GRIK4: variants seen among roughly 807,000 people sequenced by gnomAD.
GRIK4 encodes the protein glutamate ionotropic receptor kainate type subunit 4.
GRIK4 carries 40 observed loss-of-function variants against 104.9 expected under a neutral mutation model. That is an observed-to-expected ratio of 0.38 (90% CI 0.30 to 0.50). The LOEUF is 0.50. Among genes scored for constraint, GRIK4 ranks in the 20% least tolerant of loss-of-function variants. The pLI is 0.93. For synonymous variants in GRIK4, 485 were observed against 524.9 expected (o/e 0.92, Z 1.04); for missense variants, 1,047 against 1,308.1 (o/e 0.80, Z 3.08).
intron 1 of GRIK4, among the ~76,000 whole-genome samples, chr11:120,635,457 C>T (rs540091587): frequency 6.6e-6 from 1 of 152,332 alleles, no homozygotes; most frequent in East Asian, 1.9e-4. Context: ...GCCCCCAGCC[C>T]CACCCCATAG....
intron 3 of GRIK4, among the ~76,000 whole-genome samples, chr11:120,668,101 G>GATGGATA: frequency 6.9e-6 from 1 of 144,212 alleles, no homozygotes; most frequent in East Asian, 2.1e-4. Flanking sequence ...ATAGATAGAT[G>GATGGATA]GATAGATAGA....
intron 2 of GRIK4, among the ~76,000 whole-genome samples, chr11:120,655,903 G>C (rs577858160): frequency 6.6e-6 from 1 of 152,248 alleles, no homozygotes; most frequent in South Asian, 2.1e-4. Context: ...GTGGCATGCT[G>C]TGGGATCCCC....
At chr11:120,599,456 C>T (rs1302411343) in intron 1 of GRIK4, among the ~76,000 whole-genome samples, 2 of 152,182 alleles carry the variant, frequency 1.3e-5, no homozygotes, top group Admixed American at 6.5e-5. Context: ...TCCACCTGGA[C>T]TTAACAGAGT....
At chr11:120,881,919 G>C (rs1954979254) in intron 11 of GRIK4, among the ~76,000 whole-genome samples, 1 of 152,132 alleles carries the variant, frequency 6.6e-6, no homozygotes, top group Non-Finnish European at 1.5e-5. Flanking sequence ...TTGCTCTGGT[G>C]GGAATTTTAG....
intron 3 of GRIK4, among the ~76,000 whole-genome samples, chr11:120,779,734 C>G (rs1952114553): frequency 6.6e-6 from 1 of 152,188 alleles, no homozygotes; most frequent in Non-Finnish European, 1.5e-5. Context: ...AGGAATCTTC[C>G]TCAAATCAAA....
chr11:120,560,892 T>A (rs1565549961), intron 1 of GRIK4, among the ~76,000 whole-genome samples: 1 of 152,232 alleles, frequency 6.6e-6, no homozygotes, highest in Admixed American at 6.5e-5. Context: ...GGGGATTTTC[T>A]GTGGGTCCTT....
chr11:120,666,435 C>T (rs534274570), intron 3 of GRIK4, among the ~76,000 whole-genome samples: 1 of 152,274 alleles, frequency 6.6e-6, no homozygotes, highest in South Asian at 2.1e-4. Context: ...GCCAGTGTGG[C>T]GACGCCTGGG....
chr11:120,601,643 T>G (rs1948888285), intron 1 of GRIK4, among the ~76,000 whole-genome samples: 1 of 125,184 alleles, frequency 8.0e-6, no homozygotes. Flanking sequence ...TTGTTGTGTG[T>G]GTGGTTTTTT....
chr11:120,540,366 A>G (rs1948020746), intron 1 of GRIK4, among the ~76,000 whole-genome samples: 1 of 152,102 alleles, frequency 6.6e-6, no homozygotes, highest in Non-Finnish European at 1.5e-5. Context: ...CATGCCTGTA[A>G]TCCCAGCACT....
chr11:120,951,292 T>C (rs11218077), intron 14 of GRIK4, among the ~76,000 whole-genome samples: 24,988 of 152,210 alleles, frequency 0.16, 2,165 homozygotes, highest in Middle Eastern at 0.3. Flanking sequence ...AACAGGAGCG[T>C]GCAGAACTGT....
rs781102234 is a variant in GRIK4, at chr11:120,986,235, C to G, written c.2846C>G (p.Thr949Ser). Residue 949 changes from threonine (T) to serine (S), a missense_variant, in exon 21 of 21, where the codon ACC (threonine) becomes AGC (serine). Transcript: ENST00000527524. ...GAGGAGAGCCTGGAGTGGGAGAAAA[C>G]CACCAACAGCAGCGAGCCCGAGTAG... ...RSEESLEWEK[T>S]TNSSEPE 1.3e-5 allele frequency: 21 copies of G among 1,571,140 alleles called. No homozygotes were observed. Among genetic ancestry groups the G allele is most frequent in the Non-Finnish European group, 1.8e-5 (21 of 1,168,380 alleles).
At chr11:120,610,728 G>A (rs950328123) in intron 1 of GRIK4, among the ~76,000 whole-genome samples, 2 of 152,332 alleles carry the variant, frequency 1.3e-5, no homozygotes, top group Middle Eastern at 3.4e-3. Flanking sequence ...AGTGAAGGGA[G>A]GATGCAGGAA....
At chr11:120,910,601 T>C (rs1291341895) in intron 13 of GRIK4, among the ~76,000 whole-genome samples, 2 of 152,156 alleles carry the variant, frequency 1.3e-5, no homozygotes, top group Non-Finnish European at 2.9e-5. Flanking sequence ...TGGAGTAGCT[T>C]GAAGAAGCAG....
chr11:120,666,745 T>A (rs577346647), intron 3 of GRIK4, among the ~76,000 whole-genome samples: 1 of 152,232 alleles, frequency 6.6e-6, no homozygotes, highest in Non-Finnish European at 1.5e-5. Context: ...TGGTATCTAT[T>A]CAGTTGGATC....
chr11:120,848,264 G>A (rs1008557277), intron 8 of GRIK4, among the ~76,000 whole-genome samples: 6 of 152,192 alleles, frequency 3.9e-5, no homozygotes, highest in African/African-American at 1.4e-4. Flanking sequence ...GAGACCCCAG[G>A]TGGGCAGGGC....
intron 3 of GRIK4, among the ~76,000 whole-genome samples, chr11:120,746,815 A>G (rs1435722844): frequency 1.3e-5 from 2 of 152,212 alleles, no homozygotes; most frequent in East Asian, 3.8e-4. Context: ...GTCACTCAGT[A>G]GGATTTCAAA....
intron 11 of GRIK4, among the ~76,000 whole-genome samples, chr11:120,893,024 A>G (rs1305184326): frequency 1.3e-5 from 2 of 152,250 alleles, no homozygotes; most frequent in African/African-American, 4.8e-5. Context: ...AACTGCAGGC[A>G]GTGGCCCTCC....
At chr11:120,742,658 C>T (rs149560418) in intron 3 of GRIK4, among the ~76,000 whole-genome samples, 72 of 152,042 alleles carry the variant, frequency 4.7e-4, no homozygotes, top group African/African-American at 1.7e-3. Flanking sequence ...ACTTATATAC[C>T]GTTAGTGGGA....
intron 3 of GRIK4, among the ~76,000 whole-genome samples, chr11:120,781,500 G>A (rs574956006): frequency 2.0e-5 from 3 of 152,178 alleles, no homozygotes; most frequent in East Asian, 3.9e-4. Flanking sequence ...ACAGGCAAGT[G>A]CCACCATGCC....
Sources: allele counts gnomAD v4.1 joint callset (sites outside exome capture counted in the v4.1 genomes callset), GRCh38; gene constraint gnomAD v4.1.1; transcripts MANE v1.5; gene names NCBI Gene and HGNC (gene_info 2026-07-23, HGNC 2026-07-21).